WDFY4: variants seen among roughly 807,000 people sequenced by gnomAD.
WDFY4 encodes WDFY family member 4.
WDFY4 carries 169 observed loss-of-function variants against 351.9 expected under a neutral mutation model. The ratio of observed to expected loss-of-function variants is 0.48; its 90% CI spans 0.42 to 0.55. The LOEUF (loss-of-function observed/expected upper bound fraction) is 0.55. Ranked by LOEUF, WDFY4 falls within the 20% of genes least tolerant of loss-of-function variation. The pLI is 0.00. For synonymous variants in WDFY4, 1,622 were observed against 1,574.6 expected, an observed-to-expected ratio of 1.03 and a Z score of -0.71; for missense variants, 3,803 against 3,935.6, an observed-to-expected ratio of 0.97 and a Z score of 0.90.
At chr10:48,772,454 A>T (rs570590753) in intron 13 of WDFY4, among the ~76,000 whole-genome samples, 1 of 129,178 alleles carries the variant, frequency 7.7e-6, no homozygotes, top group South Asian at 2.7e-4. Context: ...GTGTATGTGT[A>T]TTTGGGTGGG....
intron 57 of WDFY4, among the ~76,000 whole-genome samples, chr10:48,970,999 CTAT>C (rs999734754): frequency 6.6e-6 from 1 of 152,152 alleles, no homozygotes; most frequent in African/African-American, 2.4e-5. Context: ...GAAGAAGGAA[CTAT>C]TATTTCCACT....
intron 57 of WDFY4, among the ~76,000 whole-genome samples, chr10:48,973,694 T>A (rs1010142201): frequency 6.6e-6 from 1 of 152,166 alleles, no homozygotes; most frequent in African/African-American, 2.4e-5. Flanking sequence ...GGTGATGGAA[T>A]CCACACCATT....
At chr10:48,907,637 C>T (rs756324362) in intron 47 of WDFY4, among the ~76,000 whole-genome samples, 30 of 152,176 alleles carry the variant, frequency 2.0e-4, no homozygotes, top group African/African-American at 4.3e-4. Context: ...ATTAACCACA[C>T]CCCAGAGGCA....
intron 2 of WDFY4, among the ~76,000 whole-genome samples, chr10:48,717,581 G>T (rs1374971717): frequency 6.6e-6 from 1 of 152,134 alleles, no homozygotes; most frequent in Non-Finnish European, 1.5e-5. Flanking sequence ...TCCCTGGGTG[G>T]ATGTTCACTT....
intron 24 of WDFY4, among the ~76,000 whole-genome samples, chr10:48,799,550 G>A (rs1359975092): frequency 6.6e-6 from 1 of 152,160 alleles, no homozygotes; most frequent in Non-Finnish European, 1.5e-5. Flanking sequence ...CGAGGCGGGT[G>A]GATCGTGAGG....
intron 7 of WDFY4, among the ~76,000 whole-genome samples, chr10:48,728,272 G>A (rs1289342909): frequency 6.6e-6 from 1 of 152,196 alleles, no homozygotes; most frequent in Non-Finnish European, 1.5e-5. Flanking sequence ...TGAAACATGG[G>A]AAACCCAAGC....
At position 48,774,660 on chromosome 10, in the gene WDFY4, C is replaced by T. The variant is rs1331955636; in HGVS notation, c.2756C>T (p.Pro919Leu). The change falls in exon 14 of 62, where the codon CCG (proline) becomes CTG (leucine). Residue 919 changes from proline (P) to leucine (L), a missense_variant. Pro to Leu is a moderately conservative substitution (Grantham distance 98). Coordinates refer to ENST00000325239, the MANE Select transcript of WDFY4 (RefSeq NM_001394531.1). Reference protein sequence around the residue: ...FEKLASQAIEPDVLRQFLGLG... With the variant: ...FEKLASQAIELDVLRQFLGLG... ...AAGCTCGCTTCCCAGGCCATTGAAC[C>T]GGATGTGCTAAGGTACCACATGCTG... The T allele has an allele frequency of 3.3e-5, 51 of 1,551,578 alleles. No homozygotes were observed. Among genetic ancestry groups the T allele is most frequent in the East Asian group, 9.8e-5 (4 of 40,928 alleles).
At chr10:48,797,750 C>A (rs116099313) in intron 24 of WDFY4, among the ~76,000 whole-genome samples, 2,389 of 152,200 alleles carry the variant, frequency 0.016, 68 homozygotes, top group African/African-American at 0.054. Flanking sequence ...GCTGATATTT[C>A]TCTCACTTTT....
chr10:48,696,292 G>A (rs1484416595), intron 1 of WDFY4, among the ~76,000 whole-genome samples: 1 of 152,230 alleles, frequency 6.6e-6, no homozygotes, highest in East Asian at 1.9e-4. Flanking sequence ...CCCTTGAGGA[G>A]GTGCTGGCCA....
intron 34 of WDFY4, 88 bp downstream of exon 34, chr10:48,821,264 C>T: frequency 9.3e-7 from 1 of 1,077,530 alleles, no homozygotes; most frequent in African/African-American, 1.6e-5. Flanking sequence ...GGAACTGACC[C>T]TAGCTGTGGG....
intron 23 of WDFY4, 69 bp downstream of exon 23, chr10:48,790,986 G>T (rs756469430): frequency 4.2e-5 from 64 of 1,516,616 alleles, no homozygotes; most frequent in Non-Finnish European, 5.2e-5. Context: ...ACAGGGACAA[G>T]CGTTGCTTGC....
At chr10:48,947,895 A>G (rs58033880) in intron 51 of WDFY4, among the ~76,000 whole-genome samples, 3,129 of 152,324 alleles carry the variant, frequency 0.021, 59 homozygotes, top group African/African-American at 0.042. Flanking sequence ...ATGAGCTGGG[A>G]TGGGCAACAG....
intron 12 of WDFY4, among the ~76,000 whole-genome samples, chr10:48,749,607 TGCA>T (rs1246001854): frequency 1.3e-5 from 2 of 152,128 alleles, no homozygotes; most frequent in Non-Finnish European, 2.9e-5. Context: ...TCATCCACAG[TGCA>T]GGTCTGGAGG....
intron 47 of WDFY4, among the ~76,000 whole-genome samples, chr10:48,923,089 A>G (rs575662113): frequency 6.6e-6 from 1 of 152,318 alleles, no homozygotes; most frequent in South Asian, 2.1e-4. Context: ...GGGACTCCAT[A>G]TTCTACTTCT....
intron 47 of WDFY4, among the ~76,000 whole-genome samples, chr10:48,924,255 A>G (rs890259546): frequency 6.6e-6 from 1 of 152,142 alleles, no homozygotes; most frequent in African/African-American, 2.4e-5. Context: ...CCTCTCAGTT[A>G]TAGAAGGCAG....
intron 31 of WDFY4, among the ~76,000 whole-genome samples, chr10:48,814,704 T>C (rs1307273254): frequency 6.6e-6 from 1 of 152,218 alleles, no homozygotes; most frequent in Non-Finnish European, 1.5e-5. Flanking sequence ...CCTGATTGTA[T>C]GGGGAAACTT....
chr10:48,808,547 A>C (rs2067333383), intron 28 of WDFY4, among the ~76,000 whole-genome samples: 1 of 152,216 alleles, frequency 6.6e-6, no homozygotes, highest in Non-Finnish European at 1.5e-5. Context: ...TGCATGCCAG[A>C]CACTGTTCCC....
intron 1 of WDFY4, among the ~76,000 whole-genome samples, chr10:48,688,740 T>G (rs2063120445): frequency 6.6e-6 from 1 of 152,190 alleles, no homozygotes; most frequent in African/African-American, 2.4e-5. Context: ...TGGTGGTGGC[T>G]TGCCCCAAAG....
At chr10:48,777,898 T>C (rs185594957) in intron 17 of WDFY4, among the ~76,000 whole-genome samples, 3 of 152,366 alleles carry the variant, frequency 2.0e-5, no homozygotes, top group Admixed American at 2.0e-4. Flanking sequence ...CAATTGACAT[T>C]GAAAAATTGG....
Sources: gnomAD v4.1 joint callset for allele counts (sites outside exome capture counted in the v4.1 genomes callset) on GRCh38, gnomAD v4.1.1 for gene constraint, MANE v1.5 for transcripts, NCBI Gene and HGNC (gene_info 2026-07-23, HGNC 2026-07-21) for gene names.